OSBP: variants seen among roughly 807,000 people sequenced by gnomAD.
OSBP encodes the protein oxysterol binding protein, also known as oxysterol-binding protein 1.
A neutral mutation model predicts 96.6 loss-of-function variants in OSBP; 32 were observed. The observed-to-expected ratio is 0.33, with a 90% CI of 0.25 to 0.45. The LOEUF (loss-of-function observed/expected upper bound fraction) is 0.45. Ranked by LOEUF, OSBP falls within the 20% of genes least tolerant of loss-of-function variation. The probability of loss-of-function intolerance (pLI) is 1.00; values close to 1 mark genes in which losing one functional copy is unlikely to be tolerated. For synonymous variants in OSBP, 369 were observed against 389.6 expected (o/e 0.95, Z 0.62); for missense variants, 653 against 1,029.7 (o/e 0.63, Z 5.01).
intron 9 of OSBP, among the ~76,000 whole-genome samples, chr11:59,589,606 A>T (rs1860552283): frequency 6.6e-6 from 1 of 152,070 alleles, no homozygotes; most frequent in South Asian, 2.1e-4. Context: ...GTCTCAAAAA[A>T]AATAAATAAA....
chr11:59,588,935 C>T (rs540840849), intron 9 of OSBP, among the ~76,000 whole-genome samples: 4 of 151,162 alleles, frequency 2.6e-5, no homozygotes, highest in South Asian at 2.1e-4. Context: ...AACCCAGGAG[C>T]GGGAGGTTGC....
Position 59,594,036 on chromosome 11 carries a change from T to C in OSBP, c.1531A>G (p.Asn511Asp). The C allele has an allele frequency of 6.2e-7, 1 of 1,614,102 alleles. No individual in the cohort carries two copies. Among genetic ancestry groups the C allele is most frequent in the East Asian group, 2.2e-5 (1 of 44,878 alleles). Residue 511 changes from asparagine (N) to aspartate (D), a missense_variant, in exon 8 of 14, where the codon AAT becomes GAT. By Grantham distance (23) the Asn-to-Asp change is conservative. Around this residue, in one of 6 missense-constraint regions of OSBP, gnomAD observed 308 missense variants for 573.1 expected, o/e 0.54. Coordinates refer to ENST00000263847, the MANE Select transcript of OSBP (RefSeq NM_002556.3). ...TGTTCACAGAGGGATCGGTACCCAT[T>C]CTCCTCTAATCGGTCCAGCTCAAAG... is the stretch of plus-strand genomic sequence containing the variant. The part of the protein sequence containing the change: ...ETFELDRLEE[N>D]GYRSLCEQVS...
At chr11:59,607,520 CATGGT>C (rs1026232413) in intron 3 of OSBP, among the ~76,000 whole-genome samples, 2 of 152,072 alleles carry the variant, frequency 1.3e-5, no homozygotes, top group Admixed American at 6.5e-5. Flanking sequence ...GATACTTTCC[CATGGT>C]CATGGGAAAG....
intron 9 of OSBP, among the ~76,000 whole-genome samples, chr11:59,591,985 G>A (rs1860589485): frequency 6.6e-6 from 1 of 152,104 alleles, no homozygotes; most frequent in South Asian, 2.1e-4. Flanking sequence ...ATGGATGGCT[G>A]ACTGTACCTA....
At chr11:59,596,965 G>A (rs1231396052) in intron 7 of OSBP, among the ~76,000 whole-genome samples, 4 of 152,122 alleles carry the variant, frequency 2.6e-5, no homozygotes, top group African/African-American at 4.8e-5. Flanking sequence ...CTTGATCTGC[G>A]GGCAAACAGG....
At position 59,615,591 on chromosome 11, in the gene OSBP, G is replaced by C; in HGVS notation, c.74C>G (p.Ala25Gly). The change falls in exon 1 of 14, where the codon GCC (alanine) becomes GGC (glycine). Residue 25 changes from alanine to glycine, a missense_variant. By Grantham distance (60) the Ala-to-Gly change is moderately conservative (BLOSUM62 0). Transcript: ENST00000263847. ...AAIAALGGGG[A>G]GPPVVGGGGG... ...GCCTCCTCCCACCACTGGGGGACCG[G>C]CGCCGCCGCCGCCAAGTGCTGCAAT... The C allele has an allele frequency of 7.3e-7, 1 of 1,374,794 alleles. No homozygotes were observed. Among genetic ancestry groups the C allele is most frequent in the Non-Finnish European group, 9.4e-7 (1 of 1,060,442 alleles). 85.2% of individuals were successfully genotyped at this position (1,374,794 alleles called of 1,614,324 possible).
At chr11:59,602,490 CCCCA>C (rs1422574848) in intron 3 of OSBP, among the ~76,000 whole-genome samples, 1 of 152,176 alleles carries the variant, frequency 6.6e-6, no homozygotes, top group Non-Finnish European at 1.5e-5. Flanking sequence ...TCCACTGGCT[CCCCA>C]CTAACATGAG....
At chr11:59,585,408 G>A (rs1465217415) in intron 9 of OSBP, among the ~76,000 whole-genome samples, 121 of 137,896 alleles carry the variant, frequency 8.8e-4, no homozygotes, top group Middle Eastern at 4.7e-3. Flanking sequence ...CAACCACCCC[G>A]TCTGAGAAGT....
chr11:59,585,512 G>A lies in OSBP; in HGVS notation c.1679-3958C>T, dbSNP rs1162928265. Among the ~76,000 whole-genome samples the A allele has an allele frequency of 3.3e-3, 503 of 151,582 alleles. 5 individuals carry two copies. The highest frequency in any genetic ancestry group is 0.011 in the African/African-American group (451 of 41,184). On this transcript the variant is annotated intron_variant, in intron 9 of 13. Coordinates refer to ENST00000263847, the MANE Select transcript of OSBP (RefSeq NM_002556.3). Reference sequence around the variant, plus strand: ...CGTCTGGGAAGTGAGGAGCCTCTCCGCCCAGCAGCCACCCCGTCCGGGAGG... The same window carrying A: ...CGTCTGGGAAGTGAGGAGCCTCTCCACCCAGCAGCCACCCCGTCCGGGAGG...
At chr11:59,593,914 A>G (rs559995260) in intron 8 of OSBP, 96 bp downstream of exon 8, 1 of 1,485,742 alleles carries the variant, frequency 6.7e-7, no homozygotes, top group African/African-American at 1.4e-5. Context: ...GATGACAGGG[A>G]CTAGAATTTC....
At position 59,615,702 on chromosome 11, in the gene OSBP, C is replaced by G; in HGVS notation, c.-38G>C. The G allele has an allele frequency of 7.9e-7, 1 of 1,270,156 alleles. No homozygotes were observed. Among genetic ancestry groups the G allele is most frequent in the East Asian group, 3.2e-5 (1 of 31,242 alleles). 78.7% of individuals were successfully genotyped at this position (1,270,156 alleles called of 1,614,324 possible). A position where few individuals can be genotyped will look rare whatever the true frequency, so the allele number is the denominator to read the frequency against. On this transcript the variant is annotated 5_prime_UTR_variant, in exon 1 of 14. Coordinates refer to ENST00000263847, the MANE Select transcript of OSBP (RefSeq NM_002556.3). ...CCTGGAGATACAAGACCGGAACCGC[C>G]TACGAGAGCCGCCGTCGCCGCCCGG...
At chr11:59,586,714 C>T (rs963206649) in intron 9 of OSBP, among the ~76,000 whole-genome samples, 45 of 152,260 alleles carry the variant, frequency 3.0e-4, no homozygotes, top group African/African-American at 1.0e-3. Context: ...TGGAATAGAA[C>T]AAAGAGCCCA....
intron 9 of OSBP, among the ~76,000 whole-genome samples, chr11:59,590,819 T>C (rs2134661204): frequency 6.6e-6 from 1 of 152,360 alleles, no homozygotes; most frequent in South Asian, 2.1e-4. Context: ...CACTACATGA[T>C]TCGCCTTCCA....
intron 9 of OSBP, among the ~76,000 whole-genome samples, chr11:59,584,688 C>G (rs921382940): frequency 2.6e-5 from 4 of 152,152 alleles, no homozygotes; most frequent in African/African-American, 9.7e-5. Context: ...AAATATCATA[C>G]TCAATGGTGA....
chr11:59,597,846 C>T (rs902102460), intron 7 of OSBP, among the ~76,000 whole-genome samples: 3 of 152,196 alleles, frequency 2.0e-5, no homozygotes, highest in Non-Finnish European at 4.4e-5. Flanking sequence ...GCTGGGGCTA[C>T]AGGCTCGTGC....
chr11:59,587,952 A>C (rs572727490), intron 9 of OSBP, among the ~76,000 whole-genome samples: 7 of 152,364 alleles, frequency 4.6e-5, no homozygotes, highest in African/African-American at 1.7e-4. Flanking sequence ...AGTGTTACTC[A>C]CAATAGCTAA....
chr11:59,591,096 G>C (rs774014725), intron 9 of OSBP, among the ~76,000 whole-genome samples: 17 of 152,070 alleles, frequency 1.1e-4, no homozygotes, highest in Non-Finnish European at 2.2e-4. Context: ...AATAAGCATA[G>C]GAATGCAAAT....
At chr11:59,601,586 A>T in intron 4 of OSBP, 54 bp downstream of exon 4, 1 of 1,536,502 alleles carries the variant, frequency 6.5e-7, no homozygotes, top group Non-Finnish European at 9.0e-7. Flanking sequence ...TATCAACTGC[A>T]GAAAACCATC....
Position 59,615,609 on chromosome 11 carries a change from G to C in OSBP, c.56C>G (p.Ala19Gly). 7.3e-7 allele frequency: 1 copy of C among 1,377,840 alleles called. No homozygotes were observed. Among genetic ancestry groups the C allele is most frequent in the Non-Finnish European group, 9.4e-7 (1 of 1,064,050 alleles). 85.4% of individuals were successfully genotyped at this position (1,377,840 alleles called of 1,614,324 possible). A position where few individuals can be genotyped will look rare whatever the true frequency, so the allele number is the denominator to read the frequency against. Reference protein sequence around the residue: ...VVGPGPAAIAALGGGGAGPPV... With the variant: ...VVGPGPAAIAGLGGGGAGPPV... ...GGGACCGGCGCCGCCGCCGCCAAGT[G>C]CTGCAATGGCTGCCGGGCCTGGCCC... The change falls in exon 1 of 14, where the codon GCA becomes GGA. Residue 19 changes from alanine to glycine, a missense_variant. By Grantham distance (60) the Ala-to-Gly change is moderately conservative (BLOSUM62 0). Around this residue, in one of 6 missense-constraint regions of OSBP, gnomAD observed 151 missense variants for 146.1 expected, o/e 1.03. Coordinates refer to ENST00000263847, the MANE Select transcript of OSBP (RefSeq NM_002556.3).
Sources: gnomAD v4.1 joint callset for allele counts (sites outside exome capture counted in the v4.1 genomes callset) on GRCh38, gnomAD v4.1.1 for gene constraint, gnomAD v4.1.1 regional missense constraint, MANE v1.5 for transcripts, NCBI Gene and HGNC (gene_info 2026-07-23, HGNC 2026-07-21) for gene names.